Variants in PAPPA2 observed in about 807,000 individuals in gnomAD.
PAPPA2 encodes pappalysin-2.
Under a neutral mutation model 176.4 loss-of-function variants are expected in PAPPA2, and 86 were observed. The observed-to-expected ratio is 0.49, with a 90% CI of 0.41 to 0.58. PAPPA2 has a LOEUF of 0.58. Among genes scored for constraint, PAPPA2 ranks in the 20% least tolerant of loss-of-function variants. The pLI is 0.00. For missense variants in PAPPA2, 2,073 were observed against 2,256.9 expected, an observed-to-expected ratio of 0.92 and a Z score of 1.65; for synonymous variants, 809 against 852.2, an observed-to-expected ratio of 0.95 and a Z score of 0.88.
At chr1:176,716,389 G>A (rs1661373941) in intron 12 of PAPPA2, among the ~76,000 whole-genome samples, 1 of 151,362 alleles carries the variant, frequency 6.6e-6, no homozygotes, top group African/African-American at 2.4e-5. Flanking sequence ...GGAATTACAG[G>A]TGCCCGCCAT....
intron 6 of PAPPA2, among the ~76,000 whole-genome samples, chr1:176,694,328 C>T (rs577849589): frequency 7.7e-4 from 117 of 152,304 alleles, no homozygotes; most frequent in Non-Finnish European, 1.3e-3. Context: ...TGTTTGGGAA[C>T]TTGCTCAAAG....
At position 176,706,432 on chromosome 1, in the gene PAPPA2, G is replaced by T. The variant is rs1660884869; in HGVS notation, c.3439G>T (p.Glu1147Ter). ...DGCSKVCELE[E>*]GFNCVGEPSL... is the part of the protein sequence containing the mutation. Reference sequence around the variant, plus strand: ...CTGCTCCAAGGTGTGTGAGCTGGAGGAAGGTTTCAACTGTGTAGGTAAGTT... The same window carrying T: ...CTGCTCCAAGGTGTGTGAGCTGGAGTAAGGTTTCAACTGTGTAGGTAAGTT... Residue 1147 changes from glutamate (E) to a stop codon, truncating the protein, a stop_gained, in exon 10 of 23, where the codon GAA (glutamate) becomes TAA (stop). Coordinates refer to ENST00000367662, the MANE Select transcript of PAPPA2 (RefSeq NM_020318.3). LOFTEE classifies it high-confidence loss of function. 1 of 1,613,550 alleles carries T rather than the reference G, an allele frequency of 6.2e-7. No individual in the cohort carries two copies.
At chr1:176,785,314 G>C (rs938230748) in intron 17 of PAPPA2, among the ~76,000 whole-genome samples, 2 of 152,104 alleles carry the variant, frequency 1.3e-5, no homozygotes, top group African/African-American at 4.8e-5. Flanking sequence ...AAATGAGACA[G>C]CCCTCACTAT....
At chr1:176,818,518 A>G (rs1342792697) in intron 21 of PAPPA2, among the ~76,000 whole-genome samples, 1 of 152,120 alleles carries the variant, frequency 6.6e-6, no homozygotes, top group Non-Finnish European at 1.5e-5. Flanking sequence ...CATTTTCCTC[A>G]TGTTCACATT....
chr1:176,491,894 A>C (rs2102494581), intron 1 of PAPPA2, among the ~76,000 whole-genome samples: 1 of 152,350 alleles, frequency 6.6e-6, no homozygotes, highest in East Asian at 1.9e-4. Context: ...CAAAGGTCAC[A>C]TGAGGAAGTG....
chr1:176,464,511 C>T (rs942681932), intron 1 of PAPPA2, among the ~76,000 whole-genome samples: 46 of 152,262 alleles, frequency 3.0e-4, no homozygotes, highest in African/African-American at 9.9e-4. Flanking sequence ...ATTTCTCAAA[C>T]AAGAAGTTCT....
chr1:176,623,759 CT>C (rs1246683765), intron 3 of PAPPA2, among the ~76,000 whole-genome samples: 105 of 10,396 alleles, frequency 0.01, 1 homozygote, highest in African/African-American at 0.023. Context: ...TCCTTCCTTC[CT>C]TTCTTTCTTT....
intron 22 of PAPPA2, among the ~76,000 whole-genome samples, chr1:176,841,203 AT>A (rs767275863): frequency 5.9e-5 from 9 of 152,312 alleles, no homozygotes; most frequent in South Asian, 2.1e-4. Context: ...AAGGTCAGAA[AT>A]CAGGCCAGCT....
intron 9 of PAPPA2, among the ~76,000 whole-genome samples, chr1:176,703,997 G>T (rs1660770678): frequency 6.6e-6 from 1 of 151,812 alleles, no homozygotes; most frequent in Non-Finnish European, 1.5e-5. Context: ...GGGGGGGTGG[G>T]TGACCACTAC....
rs149356127 is a variant in PAPPA2, at chr1:176,526,862, C to T, written c.-916-28545C>T. ...TGTGACATAAACTAAATGCTTGTCC[C>T]GCCAGAGATTCTTCCCCTGTGAAAT... On this transcript the variant is annotated intron_variant, in intron 1 of 22. Transcript: ENST00000367662. Among the ~76,000 whole-genome samples the T allele has an allele frequency of 5.3e-5, 8 of 152,298 alleles. 1 individual carries two copies. The East Asian group carries it at 1.5e-3, about 29-fold the overall frequency.
chr1:176,520,960 AT>A (rs1162691045), intron 1 of PAPPA2, among the ~76,000 whole-genome samples: 17 of 152,192 alleles, frequency 1.1e-4, no homozygotes, highest in African/African-American at 3.6e-4. Context: ...AAATAAAAAA[AT>A]AAAATAAAAA....
intron 9 of PAPPA2, 41 bp downstream of exon 9, chr1:176,702,776 TGAGAGAGAGAGA>T (rs71129581): frequency 1.3e-4 from 146 of 1,146,142 alleles, no homozygotes; most frequent in Non-Finnish European, 1.5e-4. Flanking sequence ...TGTGTGTGTG[TGAGAGAGAGAGA>T]GAGAGAGAGA....
intron 2 of PAPPA2, among the ~76,000 whole-genome samples, chr1:176,559,292 C>T (rs1315240691): frequency 6.6e-6 from 1 of 152,158 alleles, no homozygotes; most frequent in Non-Finnish European, 1.5e-5. Flanking sequence ...CCAGTATTTC[C>T]CCTCTTAGGT....
intron 14 of PAPPA2, among the ~76,000 whole-genome samples, chr1:176,753,231 C>T (rs187889711): frequency 1.9e-3 from 287 of 152,272 alleles, no homozygotes; most frequent in South Asian, 5.0e-3. Flanking sequence ...GAGAGGAAGC[C>T]GGGGCACAGC....
chr1:176,610,971 G>A (rs1417216859), intron 3 of PAPPA2, among the ~76,000 whole-genome samples: 2 of 152,196 alleles, frequency 1.3e-5, no homozygotes, highest in Non-Finnish European at 2.9e-5. Flanking sequence ...GCAGTACTGA[G>A]TAGAATAAAG....
At chr1:176,491,086 C>T (rs754726777) in intron 1 of PAPPA2, among the ~76,000 whole-genome samples, 1 of 152,180 alleles carries the variant, frequency 6.6e-6, no homozygotes. Context: ...TATTTCATAA[C>T]CTTGTTGAAG....
intron 3 of PAPPA2, among the ~76,000 whole-genome samples, chr1:176,620,668 A>G (rs1007571379): frequency 2.0e-5 from 3 of 152,220 alleles, no homozygotes; most frequent in African/African-American, 7.2e-5. Context: ...TTCTTGCCTT[A>G]GAGCTTTAGT....
At chr1:176,689,572 T>A (rs1179368482) in intron 4 of PAPPA2, among the ~76,000 whole-genome samples, 2 of 152,140 alleles carry the variant, frequency 1.3e-5, no homozygotes, top group Non-Finnish European at 2.9e-5. Context: ...ACAAACAAAT[T>A]TTAGTGTTAT....
At chr1:176,658,888 TAAG>T (rs945433089) in intron 3 of PAPPA2, among the ~76,000 whole-genome samples, 9 of 151,800 alleles carry the variant, frequency 5.9e-5, no homozygotes, top group Admixed American at 2.6e-4. Flanking sequence ...GGCAGAAAAA[TAAG>T]AAGAGATTAT....
Sources: gnomAD v4.1 joint callset for allele counts (sites outside exome capture counted in the v4.1 genomes callset) on GRCh38, gnomAD v4.1.1 for gene constraint, MANE v1.5 for transcripts, NCBI Gene and HGNC (gene_info 2026-07-23, HGNC 2026-07-21) for gene names.